PTPRJ: variants seen among roughly 807,000 people sequenced by gnomAD.
PTPRJ encodes the protein receptor-type tyrosine-protein phosphatase eta.
In PTPRJ, 129 loss-of-function variants were observed where a neutral mutation model predicts 141.3. The ratio of observed to expected loss-of-function variants is 0.91; its 90% CI spans 0.79 to 1.06. The LOEUF is 1.06. Among genes scored for constraint, PTPRJ ranks in the 50% least tolerant of loss-of-function variants. The pLI is 0.00. For missense variants in PTPRJ, 1,601 were observed against 1,679.7 expected (o/e 0.95, Z 0.82); for synonymous variants, 610 against 640.5 (o/e 0.95, Z 0.72).
intron 24 of PTPRJ, among the ~76,000 whole-genome samples, chr11:48,165,551 C>T (rs1353734773): frequency 6.6e-6 from 1 of 152,106 alleles, no homozygotes; most frequent in Non-Finnish European, 1.5e-5. Context: ...CGTCCTGTAC[C>T]GATTTAGAAC....
At chr11:48,052,202 C>T (rs1854588710) in intron 1 of PTPRJ, among the ~76,000 whole-genome samples, 1 of 152,232 alleles carries the variant, frequency 6.6e-6, no homozygotes. Flanking sequence ...AGCCCGTCTA[C>T]AGTGACATCC....
intron 1 of PTPRJ, among the ~76,000 whole-genome samples, chr11:48,002,702 G>A (rs992357802): frequency 6.6e-6 from 1 of 152,142 alleles, no homozygotes; most frequent in African/African-American, 2.4e-5. Context: ...TTGTGACTGT[G>A]ATGGGCCTGA....
chr11:48,054,244 A>G (rs1854695283), intron 1 of PTPRJ, among the ~76,000 whole-genome samples: 1 of 152,140 alleles, frequency 6.6e-6, no homozygotes, highest in South Asian at 2.1e-4. Flanking sequence ...CTAGTTCACA[A>G]AATATATATG....
intron 1 of PTPRJ, among the ~76,000 whole-genome samples, chr11:47,985,597 C>A (rs1423051157): frequency 6.6e-6 from 1 of 152,164 alleles, no homozygotes; most frequent in Non-Finnish European, 1.5e-5. Context: ...CTCCACTGCC[C>A]CAATTTACCA....
intron 1 of PTPRJ, among the ~76,000 whole-genome samples, chr11:48,025,847 A>G (rs1853793551): frequency 6.6e-6 from 1 of 152,198 alleles, no homozygotes; most frequent in African/African-American, 2.4e-5. Flanking sequence ...CAGACTGCCC[A>G]GGCTGCATCT....
intron 1 of PTPRJ, among the ~76,000 whole-genome samples, chr11:48,096,036 T>C (rs1296298783): frequency 1.3e-5 from 2 of 152,252 alleles, no homozygotes; most frequent in African/African-American, 4.8e-5. Flanking sequence ...GGGCAGAGAC[T>C]CAAACTCAGC....
chr11:48,117,250 A>G (rs549527949), intron 3 of PTPRJ, among the ~76,000 whole-genome samples: 1 of 152,270 alleles, frequency 6.6e-6, no homozygotes, highest in South Asian at 2.1e-4. Flanking sequence ...TACATCAAAA[A>G]AGAAAGCTCC....
At chr11:48,034,632 C>G (rs1226337610) in intron 1 of PTPRJ, among the ~76,000 whole-genome samples, 2 of 152,046 alleles carry the variant, frequency 1.3e-5, no homozygotes, top group African/African-American at 4.8e-5. Flanking sequence ...CTCACAGCAG[C>G]CCTAGGAGGT....
At chr11:48,069,917 G>A (rs1332187141) in intron 1 of PTPRJ, among the ~76,000 whole-genome samples, 2 of 152,166 alleles carry the variant, frequency 1.3e-5, no homozygotes, top group African/African-American at 4.8e-5. Flanking sequence ...ATTTGTAGTT[G>A]GTTCTCCCTG....
At chr11:48,029,463 G>A (rs1017416384) in intron 1 of PTPRJ, among the ~76,000 whole-genome samples, 3 of 152,268 alleles carry the variant, frequency 2.0e-5, no homozygotes, top group South Asian at 2.1e-4. Context: ...CAGGAAGAAT[G>A]TCTCACTAGT....
At chr11:48,082,617 C>G (rs939279568) in intron 1 of PTPRJ, among the ~76,000 whole-genome samples, 1 of 122,870 alleles carries the variant, frequency 8.1e-6, no homozygotes, top group African/African-American at 2.9e-5. Flanking sequence ...CCTGATATTG[C>G]TATTTTTTTT....
At chr11:47,984,565 G>GTTT (rs397848968) in intron 1 of PTPRJ, among the ~76,000 whole-genome samples, 13 of 146,468 alleles carry the variant, frequency 8.9e-5, no homozygotes, top group African/African-American at 3.2e-4. Context: ...TTATTTGTTT[G>GTTT]TTTTTTTTTT....
intron 6 of PTPRJ, among the ~76,000 whole-genome samples, 158 bp downstream of exon 6, chr11:48,125,344 TTTC>T (rs1441973866): frequency 1.3e-5 from 2 of 152,186 alleles, no homozygotes; most frequent in Non-Finnish European, 2.9e-5. Context: ...ATCTGCTCAG[TTTC>T]TTCTTAACTC....
At chr11:48,083,812 C>T (rs1855627278) in intron 1 of PTPRJ, among the ~76,000 whole-genome samples, 1 of 152,214 alleles carries the variant, frequency 6.6e-6, no homozygotes, top group Admixed American at 6.5e-5. Flanking sequence ...AGTCTAGACC[C>T]ATGGTTCTCA....
intron 1 of PTPRJ, among the ~76,000 whole-genome samples, chr11:47,987,757 G>A (rs997034879): frequency 1.3e-5 from 2 of 152,090 alleles, no homozygotes; most frequent in African/African-American, 2.4e-5. Flanking sequence ...GTGCCCCCTC[G>A]GAGGACAGGG....
chr11:47,997,826 A>G (rs924232855), intron 1 of PTPRJ, among the ~76,000 whole-genome samples: 3 of 151,570 alleles, frequency 2.0e-5, no homozygotes, highest in African/African-American at 7.3e-5. Context: ...CCCTGGAGCA[A>G]TTTTCAGCTT....
chr11:47,996,073 C>T (rs1490951628), intron 1 of PTPRJ, among the ~76,000 whole-genome samples: 1 of 151,632 alleles, frequency 6.6e-6, no homozygotes, highest in Non-Finnish European at 1.5e-5. Context: ...GTGGCTTACG[C>T]CTGTAATCCC....
chr11:47,989,790 A>G (rs1448037744), intron 1 of PTPRJ, among the ~76,000 whole-genome samples: 1 of 152,154 alleles, frequency 6.6e-6, no homozygotes, highest in African/African-American at 2.4e-5. Flanking sequence ...TCAGAGATAA[A>G]TAAGACCCTA....
intron 6 of PTPRJ, among the ~76,000 whole-genome samples, chr11:48,125,456 T>C (rs930550492): frequency 6.6e-6 from 1 of 152,206 alleles, no homozygotes; most frequent in African/African-American, 2.4e-5. Context: ...TTCACAGCTT[T>C]GCGTGGTGGC....
Sources: allele counts gnomAD v4.1 joint callset (sites outside exome capture counted in the v4.1 genomes callset), GRCh38; gene constraint gnomAD v4.1.1; transcripts MANE v1.5; gene names NCBI Gene and HGNC (gene_info 2026-07-23, HGNC 2026-07-21).